Variants in CDK19 observed in about 807,000 individuals in gnomAD.
CDK19 encodes cyclin dependent kinase 19.
A neutral mutation model predicts 68.3 loss-of-function variants in CDK19; 20 were observed. The ratio of observed to expected loss-of-function variants is 0.29; its 90% CI spans 0.21 to 0.43. The LOEUF (loss-of-function observed/expected upper bound fraction) is 0.43. Ranked by LOEUF, CDK19 falls within the 20% of genes least tolerant of loss-of-function variation. CDK19 has a pLI of 1.00. For synonymous variants in CDK19, 221 were observed against 222.8 expected (o/e 0.99, Z 0.07); for missense variants, 339 against 623.5 (o/e 0.54, Z 4.86).
chr6:110,688,731 G>T (rs1326568989), intron 2 of CDK19, among the ~76,000 whole-genome samples: 1 of 152,186 alleles, frequency 6.6e-6, no homozygotes, highest in Admixed American at 6.5e-5. Flanking sequence ...AGTGGGAAGA[G>T]CCTTGCATGC....
intron 1 of CDK19, among the ~76,000 whole-genome samples, chr6:110,805,269 G>T (rs12209899): frequency 0.047 from 7,215 of 152,068 alleles, 181 homozygotes; most frequent in Middle Eastern, 0.078. Flanking sequence ...CATGCTAGTT[G>T]TTCATCTTGT....
At chr6:110,735,780 T>C (rs893484209) in intron 2 of CDK19, among the ~76,000 whole-genome samples, 4 of 152,206 alleles carry the variant, frequency 2.6e-5, no homozygotes, top group African/African-American at 9.6e-5. Flanking sequence ...CTAAAATATA[T>C]GCAAGAGTAA....
intron 12 of CDK19, 130 bp downstream of exon 12, chr6:110,620,974 A>T: frequency 1.2e-6 from 1 of 808,110 alleles, no homozygotes. Context: ...CTTCCTCTTC[A>T]TAGAATGCCC....
At chr6:110,705,820 CAGGG>C (rs1250750531) in intron 2 of CDK19, among the ~76,000 whole-genome samples, 2 of 152,010 alleles carry the variant, frequency 1.3e-5, no homozygotes, top group Non-Finnish European at 2.9e-5. Context: ...CATATAGCCA[CAGGG>C]AGGGGAACAT....
At chr6:110,658,870 G>T (rs1781459552) in intron 4 of CDK19, among the ~76,000 whole-genome samples, 1 of 152,154 alleles carries the variant, frequency 6.6e-6, no homozygotes, top group Admixed American at 6.5e-5. Context: ...AAGAAAGAAT[G>T]TACAGAAGCT....
chr6:110,763,683 G>A (rs1222015806), intron 1 of CDK19, among the ~76,000 whole-genome samples: 3 of 151,818 alleles, frequency 2.0e-5, no homozygotes, highest in East Asian at 3.9e-4. Context: ...CCAAAGTGCT[G>A]GGATTACTGG....
chr6:110,773,390 T>C (rs1780179350), intron 1 of CDK19, among the ~76,000 whole-genome samples: 1 of 151,406 alleles, frequency 6.6e-6, no homozygotes, highest in Non-Finnish European at 1.5e-5. Context: ...AACTAGCATA[T>C]TGGAAACTAA....
chr6:110,708,245 G>C (rs769176135), intron 2 of CDK19, among the ~76,000 whole-genome samples: 1 of 152,116 alleles, frequency 6.6e-6, no homozygotes, highest in Non-Finnish European at 1.5e-5. Flanking sequence ...CAACGGTGCT[G>C]GTCCACACTG....
At chr6:110,752,057 CA>C (rs889720510) in intron 1 of CDK19, among the ~76,000 whole-genome samples, 93 of 140,340 alleles carry the variant, frequency 6.6e-4, no homozygotes, top group South Asian at 2.0e-3. Context: ...TTTGAAATAA[CA>C]AAAAAAAAAA....
intron 2 of CDK19, among the ~76,000 whole-genome samples, chr6:110,691,741 G>C (rs1773010685): frequency 6.6e-6 from 1 of 151,032 alleles, no homozygotes; most frequent in African/African-American, 2.4e-5. Context: ...TCCGCCTCCT[G>C]AGTTCAAGTG....
intron 4 of CDK19, 57 bp downstream of exon 4, chr6:110,667,377 T>C: frequency 8.6e-7 from 1 of 1,162,484 alleles, no homozygotes; most frequent in East Asian, 2.6e-5. Context: ...GAAGAAAATA[T>C]ATTTTTTAAA....
chr6:110,705,194 C>A (rs1408635128), intron 2 of CDK19, among the ~76,000 whole-genome samples: 1 of 152,108 alleles, frequency 6.6e-6, no homozygotes, highest in East Asian at 1.9e-4. Flanking sequence ...GCATGCGCCA[C>A]CACGCCCGGC....
intron 5 of CDK19, among the ~76,000 whole-genome samples, chr6:110,633,291 C>T (rs897845567): frequency 6.6e-6 from 1 of 152,148 alleles, no homozygotes; most frequent in Non-Finnish European, 1.5e-5. Flanking sequence ...CTGACTACGT[C>T]TTAGTTCAGT....
chr6:110,731,096 GAAAGA>G (rs1188786990), intron 2 of CDK19, among the ~76,000 whole-genome samples: 15 of 128,540 alleles, frequency 1.2e-4, no homozygotes, highest in East Asian at 1.1e-3. Flanking sequence ...AAGGAAGGAA[GAAAGA>G]AAAGAAAAGA....
chr6:110,639,936 G>C (rs1780025752), intron 4 of CDK19, among the ~76,000 whole-genome samples: 1 of 152,176 alleles, frequency 6.6e-6, no homozygotes, highest in Non-Finnish European at 1.5e-5. Flanking sequence ...ACTTGGGCCA[G>C]GTGCAGTGGC....
chr6:110,804,767 AAC>A (rs1782563919), intron 1 of CDK19, among the ~76,000 whole-genome samples: 1 of 150,620 alleles, frequency 6.6e-6, no homozygotes, highest in Non-Finnish European at 1.5e-5. Flanking sequence ...CATCCTGGCT[AAC>A]ACGGTGAAAC....
chr6:110,732,360 G>A (rs1416511736), intron 2 of CDK19, among the ~76,000 whole-genome samples: 1 of 152,070 alleles, frequency 6.6e-6, no homozygotes, highest in Non-Finnish European at 1.5e-5. Flanking sequence ...AAATTTAGCT[G>A]GGTATGGTGG....
chr6:110,617,164 C>G (rs1487413326), intron 12 of CDK19, among the ~76,000 whole-genome samples: 1 of 152,170 alleles, frequency 6.6e-6, no homozygotes, highest in Non-Finnish European at 1.5e-5. Flanking sequence ...CTAAGGCAAG[C>G]CATAGAAACC....
At chr6:110,716,689 G>GAT (rs1775425696) in intron 2 of CDK19, among the ~76,000 whole-genome samples, 1 of 152,012 alleles carries the variant, frequency 6.6e-6, no homozygotes. Context: ...TTTCATAAGG[G>GAT]ATATATAGAT....
Sources: gnomAD v4.1 joint callset for allele counts (sites outside exome capture counted in the v4.1 genomes callset) on GRCh38, gnomAD v4.1.1 for gene constraint, MANE v1.5 for transcripts, NCBI Gene and HGNC (gene_info 2026-07-23, HGNC 2026-07-21) for gene names.